NRG1: variants seen among roughly 807,000 people sequenced by gnomAD.
The protein encoded by NRG1 is pro-neuregulin-1, membrane-bound isoform.
In NRG1, 18 loss-of-function variants were observed where a neutral mutation model predicts 63.8. The observed-to-expected ratio is 0.28, with a 90% CI of 0.19 to 0.42. The LOEUF is 0.42. Among genes scored for constraint, NRG1 ranks in the 10% least tolerant of loss-of-function variants. The probability of loss-of-function intolerance (pLI) is 1.00; values close to 1 mark genes in which losing one functional copy is unlikely to be tolerated. For synonymous variants in NRG1, 302 were observed against 301.3 expected (o/e 1.00, Z -0.02); for missense variants, 762 against 814.7 (o/e 0.94, Z 0.79).
chr8:32,290,486 A>G (rs1313695420), intron 1 of NRG1, among the ~76,000 whole-genome samples: 1 of 152,082 alleles, frequency 6.6e-6, no homozygotes, highest in Non-Finnish European at 1.5e-5. Context: ...ATTCCCTTGT[A>G]GTTGCTGGGC....
intron 7 of NRG1, chr8:32,751,260 T>C (rs576370663): frequency 6.6e-6 from 1 of 152,244 alleles, no homozygotes; most frequent in African/African-American, 2.4e-5. Flanking sequence ...CAAGTACAAC[T>C]CAGAAAGGTA....
chr8:31,878,155 C>T (rs1460453722), intron 1 of NRG1, among the ~76,000 whole-genome samples: 4 of 152,128 alleles, frequency 2.6e-5, no homozygotes, highest in South Asian at 2.1e-4. Flanking sequence ...TGTATTCTCA[C>T]GATTCTAATT....
chr8:31,807,144 G>A (rs1393297416), intron 1 of NRG1, among the ~76,000 whole-genome samples: 2 of 152,188 alleles, frequency 1.3e-5, no homozygotes, highest in Admixed American at 1.3e-4. Context: ...AGGAAATGAA[G>A]GGCCCGAAAG....
At chr8:32,141,471 TCC>T (rs1219046865) in intron 1 of NRG1, among the ~76,000 whole-genome samples, 1 of 151,204 alleles carries the variant, frequency 6.6e-6, no homozygotes, top group Non-Finnish European at 1.5e-5. Flanking sequence ...ACATTTTGCA[TCC>T]CTTTTTGATG....
chr8:32,580,085 A>C (rs1004119003), intron 1 of NRG1, among the ~76,000 whole-genome samples: 1 of 152,196 alleles, frequency 6.6e-6, no homozygotes, highest in Non-Finnish European at 1.5e-5. Context: ...GTAGCTGCTG[A>C]TAAGGAGGTC....
intron 1 of NRG1, among the ~76,000 whole-genome samples, chr8:31,854,289 A>G (rs1439405944): frequency 2.8e-4 from 42 of 152,110 alleles, no homozygotes; most frequent in Non-Finnish European, 2.9e-5. Flanking sequence ...ACAATTTCAG[A>G]TCCTGTTATT....
intron 1 of NRG1, among the ~76,000 whole-genome samples, chr8:31,809,302 T>A (rs2131767975): frequency 6.7e-6 from 1 of 149,410 alleles, no homozygotes; most frequent in South Asian, 2.2e-4. Context: ...ATGTATATCT[T>A]TTCCTTCAGT....
chr8:31,738,484 A>G (rs1181193982), intron 1 of NRG1, among the ~76,000 whole-genome samples: 3 of 152,074 alleles, frequency 2.0e-5, no homozygotes, highest in Non-Finnish European at 4.4e-5. Flanking sequence ...ATTTTCTTAA[A>G]CTAGGCTTTT....
At chr8:32,535,452 A>G (rs573976494) in intron 1 of NRG1, among the ~76,000 whole-genome samples, 280 of 152,326 alleles carry the variant, frequency 1.8e-3, no homozygotes, top group Middle Eastern at 3.4e-3. Flanking sequence ...TTATTTTGGC[A>G]GAGAACAAAT....
chr8:32,085,176 T>G (rs1260888831), intron 1 of NRG1, among the ~76,000 whole-genome samples: 7 of 152,248 alleles, frequency 4.6e-5, no homozygotes, highest in Admixed American at 4.6e-4. Context: ...AAAATTTATA[T>G]CCACTCGCCC....
At chr8:31,950,502 C>T (rs1397461173) in intron 1 of NRG1, among the ~76,000 whole-genome samples, 1 of 152,192 alleles carries the variant, frequency 6.6e-6, no homozygotes, top group Non-Finnish European at 1.5e-5. Flanking sequence ...AACAGGTGAG[C>T]ACCAGATAGT....
intron 1 of NRG1, among the ~76,000 whole-genome samples, chr8:31,822,885 T>G (rs1824138912): frequency 6.6e-6 from 1 of 152,294 alleles, no homozygotes; most frequent in African/African-American, 2.4e-5. Context: ...GCCATCAATA[T>G]TTTCATTGGT....
intron 6 of NRG1, among the ~76,000 whole-genome samples, chr8:32,739,592 A>T (rs1300204105): frequency 6.6e-6 from 1 of 152,212 alleles, no homozygotes; most frequent in African/African-American, 2.4e-5. Flanking sequence ...TTAGAAATTC[A>T]TAGCAGTTAG....
In NRG1 at chr8:32,484,230, G is replaced by A. The variant is rs182742364; in HGVS notation, c.38-111598G>A. On this transcript the variant is annotated intron_variant, in intron 1 of 10. Transcript: ENST00000519301. ...GAATACAGTGGAAATAAGAGGGAAA[G>A]GAATGAAGAAACTGGTAGGCTACTA... Among the ~76,000 whole-genome samples the A allele has an allele frequency of 2.8e-3, 427 of 152,184 alleles. 2 individuals are homozygous for A. The highest frequency in any genetic ancestry group is 4.0e-3 in the Non-Finnish European group (269 of 68,010).
intron 1 of NRG1, among the ~76,000 whole-genome samples, chr8:31,663,908 A>G (rs4295616): frequency 0.94 from 143,106 of 152,166 alleles, 67,890 homozygotes; most frequent in East Asian, 1. Flanking sequence ...AGAGTAGGTA[A>G]CTGTACTCAG....
intron 1 of NRG1, among the ~76,000 whole-genome samples, chr8:32,592,320 T>A (rs568948264): frequency 6.6e-4 from 101 of 152,192 alleles, no homozygotes; most frequent in African/African-American, 2.4e-3. Flanking sequence ...TTATTCAGAT[T>A]TCCCCAGTAG....
At chr8:31,889,786 A>G (rs1831006630) in intron 1 of NRG1, among the ~76,000 whole-genome samples, 1 of 152,186 alleles carries the variant, frequency 6.6e-6, no homozygotes, top group Non-Finnish European at 1.5e-5. Context: ...GACCAAGTGC[A>G]GCCCTCTGCC....
chr8:32,412,732 G>A (rs1051206100), intron 1 of NRG1, among the ~76,000 whole-genome samples: 1 of 151,670 alleles, frequency 6.6e-6, no homozygotes, highest in African/African-American at 2.4e-5. Flanking sequence ...GAATACTGGA[G>A]GCAATTTCTA....
At chr8:31,987,630 A>G (rs1586283672) in intron 1 of NRG1, among the ~76,000 whole-genome samples, 1 of 151,790 alleles carries the variant, frequency 6.6e-6, no homozygotes, top group Admixed American at 6.6e-5. Context: ...CAAAAAAGCT[A>G]CCTATCCGGT....
Sources: allele counts gnomAD v4.1 joint callset (sites outside exome capture counted in the v4.1 genomes callset), GRCh38; gene constraint gnomAD v4.1.1; transcripts MANE v1.5; gene names NCBI Gene and HGNC (gene_info 2026-07-23, HGNC 2026-07-21).